Variants in SNX18 observed in about 807,000 individuals in gnomAD.
SNX18 encodes the protein sorting nexin 18, also known as sorting nexin-18.
A neutral mutation model predicts 48.7 loss-of-function variants in SNX18; 35 were observed. That is an observed-to-expected ratio of 0.72 (90% CI 0.55 to 0.95). SNX18 has a LOEUF of 0.95. Ranked by LOEUF, SNX18 falls within the 40% of genes least tolerant of loss-of-function variation. The pLI is 0.00. For synonymous variants in SNX18, 492 were observed against 384.7 expected (o/e 1.28, Z -3.26); for missense variants, 824 against 871.0 (o/e 0.95, Z 0.68).
the SNX18 span, among the ~76,000 whole-genome samples, chr5:54,642,785 A>G: frequency 6.6e-6 from 1 of 152,224 alleles, no homozygotes; most frequent in African/African-American, 2.4e-5. Context: ...TCAGCAAGAA[A>G]ATCAATACAT....
chr5:54,639,502 T>C, the SNX18 span, among the ~76,000 whole-genome samples: 2 of 152,264 alleles, frequency 1.3e-5, no homozygotes, highest in East Asian at 3.8e-4. Context: ...TAATATTTAT[T>C]GATAGCTGAT....
chr5:54,613,160 A>G, the SNX18 span, among the ~76,000 whole-genome samples: 12 of 152,348 alleles, frequency 7.9e-5, no homozygotes, highest in African/African-American at 2.6e-4. Flanking sequence ...ATTGGGAAAT[A>G]CTGGGCTGAC....
the SNX18 span, among the ~76,000 whole-genome samples, chr5:54,646,575 A>G: frequency 0.69 from 104,454 of 152,140 alleles, 35,986 homozygotes; most frequent in East Asian, 0.72. Context: ...ACTACTAACC[A>G]GAAGGTATTG....
chr5:54,593,369 A>G, the SNX18 span, among the ~76,000 whole-genome samples: 27,924 of 152,152 alleles, frequency 0.18, 2,778 homozygotes, highest in East Asian at 0.29. Context: ...GAGAAACTAC[A>G]GCAAGTTAAG....
At chr5:54,615,607 G>C in the SNX18 span, among the ~76,000 whole-genome samples, 1 of 152,182 alleles carries the variant, frequency 6.6e-6, no homozygotes, top group Non-Finnish European at 1.5e-5. Flanking sequence ...TGCATCTTAA[G>C]ATTTTTAAAT....
the SNX18 span, among the ~76,000 whole-genome samples, chr5:54,570,403 C>T: frequency 6.6e-6 from 1 of 152,156 alleles, no homozygotes; most frequent in Non-Finnish European, 1.5e-5. Flanking sequence ...GTGGCAAGTA[C>T]TTTGTTAAGG....
chr5:54,537,690 G>A (rs1561120559), intron 1 of SNX18, among the ~76,000 whole-genome samples: 1 of 151,844 alleles, frequency 6.6e-6, no homozygotes, highest in East Asian at 1.9e-4. Context: ...CTGGCAAGGG[G>A]GCATGTTCCT....
the SNX18 span, among the ~76,000 whole-genome samples, chr5:54,619,905 C>T: frequency 5.9e-5 from 9 of 152,144 alleles, no homozygotes; most frequent in Non-Finnish European, 1.2e-4. Flanking sequence ...AGAGAAAAGT[C>T]AATTATGCAT....
the SNX18 span, among the ~76,000 whole-genome samples, chr5:54,595,071 G>A: frequency 6.6e-6 from 1 of 152,216 alleles, no homozygotes; most frequent in South Asian, 2.1e-4. Flanking sequence ...TTAATCCACT[G>A]TTGATGGGCA....
chr5:54,612,308 G>A, the SNX18 span, among the ~76,000 whole-genome samples: 1 of 151,586 alleles, frequency 6.6e-6, no homozygotes, highest in Non-Finnish European at 1.5e-5. Context: ...ACCCAGGTGG[G>A]AGTACAATGT....
chr5:54,647,831 G>T, the SNX18 span, among the ~76,000 whole-genome samples: 1 of 152,118 alleles, frequency 6.6e-6, no homozygotes, highest in East Asian at 1.9e-4. Context: ...GTTGAGAACA[G>T]ATTTGAGAGA....
chr5:54,546,521 G>A lies in SNX18; in HGVS notation c.*3089G>A, dbSNP rs554714630. ...AATATTGTTTTATTTCCTTCAAAAT[G>A]TTATGATTAGTGCAGATCAGCCATG... On this transcript the variant is annotated 3_prime_UTR_variant, in exon 2 of 2. Transcript: ENST00000381410. 2.2e-4 allele frequency: 33 copies of A among 152,240 alleles called. No individual in the cohort carries two copies. Among genetic ancestry groups the A allele is most frequent in the African/African-American group, 7.7e-4 (32 of 41,556 alleles). 9.4% of individuals were successfully genotyped at this position (152,240 alleles called of 1,614,324 possible).
the SNX18 span, among the ~76,000 whole-genome samples, chr5:54,574,289 A>G: frequency 6.6e-6 from 1 of 152,216 alleles, no homozygotes; most frequent in African/African-American, 2.4e-5. Context: ...GCTGGGCGCT[A>G]AGAGGAGAAT....
chr5:54,534,237 C>CTT (rs56135730), intron 1 of SNX18, among the ~76,000 whole-genome samples: 130 of 143,634 alleles, frequency 9.1e-4, no homozygotes, highest in Non-Finnish European at 1.0e-3. Flanking sequence ...TTTCTTTTTT[C>CTT]TTTTTTTTTT....
the SNX18 span, among the ~76,000 whole-genome samples, chr5:54,560,106 C>T: frequency 6.6e-6 from 1 of 152,180 alleles, no homozygotes; most frequent in East Asian, 1.9e-4. Context: ...TACCATTTGA[C>T]CCAGCAATCC....
chr5:54,530,634 C>T (rs944242779), intron 1 of SNX18, among the ~76,000 whole-genome samples: 2 of 150,600 alleles, frequency 1.3e-5, no homozygotes, highest in Non-Finnish European at 3.0e-5. Context: ...GTTTTATATT[C>T]ATTATATCTA....
chr5:54,601,102 GTCCATCCA>G, the SNX18 span, among the ~76,000 whole-genome samples: 2 of 151,212 alleles, frequency 1.3e-5, no homozygotes, highest in African/African-American at 4.9e-5. Context: ...CTGTCCATCT[GTCCATCCA>G]TCCATCCATC....
At chr5:54,532,017 G>A (rs1762260002) in intron 1 of SNX18, among the ~76,000 whole-genome samples, 1 of 152,136 alleles carries the variant, frequency 6.6e-6, no homozygotes, top group Non-Finnish European at 1.5e-5. Context: ...AAGTGCCCTG[G>A]CTCTGCGTGT....
the SNX18 span, among the ~76,000 whole-genome samples, chr5:54,588,306 C>CTTTTTTTTTTTTTTTTTTTTTTTTTTT: frequency 2.0e-4 from 15 of 73,910 alleles, 2 homozygotes; most frequent in Non-Finnish European, 2.7e-4. Flanking sequence ...TATTTCTATT[C>CTTTTTTTTTTTTTTTTTTTTTTTTTTT]TTTTTTTTTT....
Sources: gnomAD v4.1 joint callset for allele counts (sites outside exome capture counted in the v4.1 genomes callset) on GRCh38, gnomAD v4.1.1 for gene constraint, MANE v1.5 for transcripts, NCBI Gene and HGNC (gene_info 2026-07-23, HGNC 2026-07-21) for gene names.